The following SHF variants were observed in gnomAD, a reference collection of about 807,000 sequenced individuals.
SHF encodes Src homology 2 domain containing F, also known as SH2 domain-containing adapter protein F.
Under a neutral mutation model 42.4 loss-of-function variants are expected in SHF, and 30 were observed. The ratio of observed to expected loss-of-function variants is 0.71; its 90% CI spans 0.53 to 0.96. The LOEUF (loss-of-function observed/expected upper bound fraction) is 0.96, where lower values mean the gene tolerates loss of function less well. Ranked by LOEUF, SHF falls within the 40% of genes least tolerant of loss-of-function variation. The pLI is 0.00. For missense variants in SHF, 598 were observed against 634.0 expected (o/e 0.94, Z 0.61); for synonymous variants, 264 against 269.9 (o/e 0.98, Z 0.21).
At chr15:45,197,935 T>C (rs180911377) in intron 2 of SHF, among the ~76,000 whole-genome samples, 12 of 152,182 alleles carry the variant, frequency 7.9e-5, no homozygotes, top group African/African-American at 2.6e-4. Flanking sequence ...TAAATATATA[T>C]TCATACAAGG....
intron 1 of SHF, among the ~76,000 whole-genome samples, chr15:45,185,399 T>C (rs1196387216): frequency 6.6e-6 from 1 of 152,208 alleles, no homozygotes; most frequent in Non-Finnish European, 1.5e-5. Context: ...TGTTTGAGCT[T>C]TTCCTAGGGG....
At chr15:45,199,196 C>T (rs1648299) in intron 1 of SHF, 1,087,866 of 1,143,702 alleles carry the variant, frequency 0.95, 527,736 homozygotes, top group Non-Finnish European at 1. Flanking sequence ...TTCCTTCCAG[C>T]CTCTCATACT....
Position 45,167,913 on chromosome 15 carries a change from G to A in SHF, c.*34C>T. The A allele has an allele frequency of 6.5e-7, 1 of 1,528,124 alleles. No individual in the cohort carries two copies. The highest frequency in any genetic ancestry group is 8.9e-7 in the Non-Finnish European group (1 of 1,129,738). 94.7% of individuals were successfully genotyped at this position (1,528,124 alleles called of 1,614,324 possible). On this transcript the variant is annotated 3_prime_UTR_variant, in exon 7 of 7. Transcript: ENST00000690270. ...CAGCCAGGTGATGGGCACAGGGCTG[G>A]GTACAGGTCTATCACAGTGCCCTGG...
exon 1 of SHF, chr15:45,201,069 G>A (rs991717904): frequency 2.0e-5 from 7 of 342,106 alleles, no homozygotes; most frequent in South Asian, 4.5e-5. Flanking sequence ...GATAATGGAC[G>A]CTTAGGAAAG....
chr15:45,172,860 G>A (rs1216538267), intron 4 of SHF, among the ~76,000 whole-genome samples: 1 of 151,888 alleles, frequency 6.6e-6, no homozygotes, highest in South Asian at 2.1e-4. Context: ...CTGCCCACTG[G>A]CTCCCCTCCC....
chr15:45,191,055 A>G (rs1027994037), upstream of SHF, among the ~76,000 whole-genome samples: 6 of 152,092 alleles, frequency 3.9e-5, no homozygotes, highest in African/African-American at 1.4e-4. Context: ...TTCTAGATCC[A>G]AATTCTGTTT....
intron 6 of SHF, 69 bp downstream of exon 6, chr15:45,171,814 A>C (rs370738381): frequency 5.9e-6 from 9 of 1,529,670 alleles, no homozygotes; most frequent in African/African-American, 1.4e-5. Flanking sequence ...TTGGTTGGGC[A>C]TAAGGGGAAT....
At chr15:45,198,131 G>A (rs1898925287) in intron 2 of SHF, among the ~76,000 whole-genome samples, 2 of 151,866 alleles carry the variant, frequency 1.3e-5, no homozygotes, top group South Asian at 4.2e-4. Flanking sequence ...AAAATTATCC[G>A]AGCATGGTGG....
At chr15:45,183,716 C>G (rs905580474) in intron 1 of SHF, among the ~76,000 whole-genome samples, 2 of 152,246 alleles carry the variant, frequency 1.3e-5, no homozygotes, top group Non-Finnish European at 2.9e-5. Flanking sequence ...GGCAAAGTGC[C>G]AGAGCTGAGT....
At chr15:45,198,353 TAGGG>T (rs1372580907) in intron 2 of SHF, among the ~76,000 whole-genome samples, 5 of 152,038 alleles carry the variant, frequency 3.3e-5, no homozygotes, top group Non-Finnish European at 4.4e-5. Context: ...CACAGGGTCA[TAGGG>T]GAGCTGTTTT....
At chr15:45,196,900 C>CTA (rs1567042966) in intron 2 of SHF, among the ~76,000 whole-genome samples, 3 of 87,752 alleles carry the variant, frequency 3.4e-5, no homozygotes, top group African/African-American at 1.0e-4. Context: ...GACTCCGTCT[C>CTA]AAAAAAAAAA....
upstream of SHF, among the ~76,000 whole-genome samples, chr15:45,191,129 A>G (rs1382225104): frequency 2.6e-5 from 4 of 152,126 alleles, no homozygotes; most frequent in Non-Finnish European, 5.9e-5. Flanking sequence ...CAGTGGCACA[A>G]TCATAGCTCA....
chr15:45,172,070 G>A (rs912054959), intron 5 of SHF, 68 bp from the exon 6 acceptor site: 16 of 1,613,764 alleles, frequency 9.9e-6, no homozygotes, highest in Non-Finnish European at 1.4e-5. Flanking sequence ...CACCCATTGT[G>A]GGTGTCCCCT....
At chr15:45,178,458 G>T (rs1333007260) in intron 1 of SHF, among the ~76,000 whole-genome samples, 152 bp from the exon 2 acceptor site, 1 of 152,074 alleles carries the variant, frequency 6.6e-6, no homozygotes, top group Non-Finnish European at 1.5e-5. Flanking sequence ...GAGCTTGGAT[G>T]GGGACAAGCT....
chr15:45,178,251 C>T lies in SHF; in HGVS notation c.554G>A (p.Gly185Asp), dbSNP rs1318008724. The T allele has an allele frequency of 6.2e-7, 1 of 1,613,988 alleles. No individual in the cohort carries two copies. Among genetic ancestry groups the T allele is most frequent in the Admixed American group, 1.7e-5 (1 of 60,028 alleles). Residue 185 changes from glycine to aspartate, a missense_variant, in exon 2 of 7, where the codon GGC becomes GAC. Gly to Asp is a moderately conservative substitution (Grantham distance 94). Coordinates refer to ENST00000690270, the MANE Select transcript of SHF (RefSeq NM_001394037.1). ...DPFDVQETGE[G>D]SAGASGAPEK... ...TGGGGCTCCTGAAGCTCCTGCTGAG[C>T]CTTCGCCAGTCTCCTGAACATCAAA...
chr15:45,179,467 G>T (rs1346167825), intron 1 of SHF, among the ~76,000 whole-genome samples: 3 of 77,830 alleles, frequency 3.9e-5, no homozygotes, highest in Non-Finnish European at 7.6e-5. Flanking sequence ...TTCCTACGCT[G>T]CCCCTTTCTC....
intron 2 of SHF, among the ~76,000 whole-genome samples, chr15:45,195,049 C>G (rs1595647711): frequency 6.6e-6 from 1 of 152,196 alleles, no homozygotes; most frequent in East Asian, 1.9e-4. Flanking sequence ...CCAGGCTGCT[C>G]TCAAACTCTT....
At chr15:45,170,645 CTTTTTT>C in intron 6 of SHF, 21 of 220,850 alleles carry the variant, frequency 9.5e-5, no homozygotes, top group East Asian at 1.4e-4. Context: ...TTATCTTTTT[CTTTTTT>C]TTTTTTTTTT....
At chr15:45,198,739 C>G in intron 2 of SHF, 1 of 1,591,556 alleles carries the variant, frequency 6.3e-7, no homozygotes, top group Non-Finnish European at 8.5e-7. Context: ...CATAGGCCTT[C>G]CCAGTTTGCG....
Sources: allele counts gnomAD v4.1 joint callset (sites outside exome capture counted in the v4.1 genomes callset), GRCh38; gene constraint gnomAD v4.1.1; transcripts MANE v1.5; gene names NCBI Gene and HGNC (gene_info 2026-07-23, HGNC 2026-07-21).